Variants in TCERG1L observed in about 807,000 individuals in gnomAD.
TCERG1L encodes the protein transcription elongation regulator 1-like protein.
A neutral mutation model predicts 56.3 loss-of-function variants in TCERG1L; 37 were observed. The ratio of observed to expected loss-of-function variants is 0.66; its 90% CI spans 0.51 to 0.87. The LOEUF (loss-of-function observed/expected upper bound fraction) is 0.87, where lower values mean the gene tolerates loss of function less well. Ranked by LOEUF, TCERG1L falls within the 40% of genes least tolerant of loss-of-function variation. TCERG1L has a pLI of 0.00. For synonymous variants in TCERG1L, 324 were observed against 326.3 expected (o/e 0.99, Z 0.08); for missense variants, 799 against 774.2 (o/e 1.03, Z -0.38).
chr10:131,269,976 T>C (rs1397625664), intron 3 of TCERG1L, among the ~76,000 whole-genome samples: 2 of 151,824 alleles, frequency 1.3e-5, no homozygotes, highest in African/African-American at 4.8e-5. Flanking sequence ...CACGTGCACA[T>C]CACAAAGGCA....
chr10:131,291,147 G>T (rs538442089), intron 3 of TCERG1L, among the ~76,000 whole-genome samples: 1 of 152,134 alleles, frequency 6.6e-6, no homozygotes, highest in East Asian at 1.9e-4. Flanking sequence ...TAATTATTCT[G>T]TCTTCCATTT....
At chr10:131,261,704 ACTGGGAAGGCTGGCCTT>A (rs1294225566) in intron 3 of TCERG1L, among the ~76,000 whole-genome samples, 2 of 152,210 alleles carry the variant, frequency 1.3e-5, no homozygotes, top group African/African-American at 4.8e-5. Context: ...TGAACAAAAC[ACTGGGAAGGCTGGCCTT>A]CGGGGAAGGT....
At position 131,198,395 on chromosome 10, in the gene TCERG1L, G is replaced by A. The variant is rs903355213; in HGVS notation, c.857-31510C>T. On this transcript the variant is annotated intron_variant, in intron 4 of 11. Coordinates refer to ENST00000368642, the MANE Select transcript of TCERG1L (RefSeq NM_174937.4). ...TGCTCCTGAGGGCCAGGACTCACGGGAAGTGTCCCTCAAGACAGAGCGTCT... is the reference window on the plus strand; with the variant it reads ...TGCTCCTGAGGGCCAGGACTCACGGAAAGTGTCCCTCAAGACAGAGCGTCT... Among the ~76,000 whole-genome samples the A allele has an allele frequency of 3.3e-5, 5 of 152,278 alleles. No individual in the cohort carries two copies. The South Asian group carries it at 6.2e-4, about 19-fold the overall frequency.
At chr10:131,225,853 T>C (rs1364625925) in intron 4 of TCERG1L, among the ~76,000 whole-genome samples, 1 of 152,112 alleles carries the variant, frequency 6.6e-6, no homozygotes, top group African/African-American at 2.4e-5. Context: ...GAGACTTCTG[T>C]TCAGTCATCT....
chr10:131,112,384 T>C (rs1333860365), intron 9 of TCERG1L, among the ~76,000 whole-genome samples: 1 of 141,934 alleles, frequency 7.0e-6, no homozygotes, highest in Non-Finnish European at 1.6e-5. Flanking sequence ...TTCCCAGGAC[T>C]TTCTCCCCCT....
rs562034374 is a variant in TCERG1L, at chr10:131,272,364, T to C, written c.671-11920A>G. 3.3e-4 allele frequency among the ~76,000 whole-genome samples: 50 copies of C among 152,330 alleles called. 1 individual carries two copies. Among genetic ancestry groups the C allele is most frequent in the South Asian group, 3.1e-3 (15 of 4,834 alleles). Reference sequence around the variant, plus strand: ...CAGCATTTGCAATTTCTGGTGTTTGTTGTTCTGGTTGTTTTCTGAAAGGCA... The same window carrying C: ...CAGCATTTGCAATTTCTGGTGTTTGCTGTTCTGGTTGTTTTCTGAAAGGCA... On this transcript the variant is annotated intron_variant, in intron 3 of 11. Transcript: ENST00000368642.
chr10:131,166,325 C>T (rs1846030352), intron 5 of TCERG1L, among the ~76,000 whole-genome samples: 1 of 152,208 alleles, frequency 6.6e-6, no homozygotes, highest in Admixed American at 6.5e-5. Flanking sequence ...AAAGGACTCC[C>T]TTGGGTTATT....
chr10:131,225,600 A>C (rs1845783492), intron 4 of TCERG1L, among the ~76,000 whole-genome samples: 1 of 152,074 alleles, frequency 6.6e-6, no homozygotes, highest in Non-Finnish European at 1.5e-5. Flanking sequence ...GGAAAACCCC[A>C]CCTGAAGGGA....
chr10:131,285,465 G>GAAGAAAGAAAGAAAGA (rs1212795487), intron 3 of TCERG1L, among the ~76,000 whole-genome samples: 1 of 103,986 alleles, frequency 9.6e-6, no homozygotes, highest in African/African-American at 4.0e-5. Context: ...GAGAGAAAGG[G>GAAGAAAGAAAGAAAGA]AAGAAAGAAA....
chr10:131,143,702 G>A (rs559657617), intron 7 of TCERG1L, among the ~76,000 whole-genome samples: 162 of 152,274 alleles, frequency 1.1e-3, no homozygotes, highest in Non-Finnish European at 1.9e-3. Context: ...CAACACACCA[G>A]CACCCTCCAA....
intron 6 of TCERG1L, among the ~76,000 whole-genome samples, chr10:131,149,705 G>A (rs1037321827): frequency 3.9e-5 from 6 of 152,178 alleles, no homozygotes; most frequent in African/African-American, 9.7e-5. Context: ...TTGGCAACAC[G>A]TAGGACGTGG....
chr10:131,252,550 T>C (rs1027410759), intron 4 of TCERG1L, among the ~76,000 whole-genome samples: 3 of 152,150 alleles, frequency 2.0e-5, no homozygotes, highest in African/African-American at 7.2e-5. Flanking sequence ...ATTTCATTCA[T>C]GCACCAAACG....
At chr10:131,148,721 G>T (rs1370008062) in intron 6 of TCERG1L, among the ~76,000 whole-genome samples, 2 of 152,228 alleles carry the variant, frequency 1.3e-5, no homozygotes, top group Middle Eastern at 3.2e-3. Context: ...GCCTCTGGAA[G>T]ATGGAAAAGG....
At position 131,198,235 on chromosome 10, in the gene TCERG1L, G is replaced by A. The variant is rs149145426; in HGVS notation, c.857-31350C>T. Among the ~76,000 whole-genome samples, 1,009 of 152,344 alleles carry A rather than the reference G, an allele frequency of 6.6e-3. 52 individuals carry two copies. The highest frequency in any genetic ancestry group is 0.059 in the Admixed American group (902 of 15,306). On this transcript the variant is annotated intron_variant, in intron 4 of 11. Coordinates refer to ENST00000368642, the MANE Select transcript of TCERG1L (RefSeq NM_174937.4). ...ATCACTATGTACGTGGCATCATCAA[G>A]TCTATTCTGATAGAAAAGAACTCAA...
At chr10:131,222,299 A>G (rs1845742228) in intron 4 of TCERG1L, among the ~76,000 whole-genome samples, 1 of 152,248 alleles carries the variant, frequency 6.6e-6, no homozygotes, top group Non-Finnish European at 1.5e-5. Flanking sequence ...TCCATACATG[A>G]TATTTTGTGC....
chr10:131,311,157 C>T lies in TCERG1L; in HGVS notation c.342+137G>A. 1.5e-6 allele frequency: 1 copy of T among 645,946 alleles called. No individual in the cohort carries two copies. Among genetic ancestry groups the T allele is most frequent in the South Asian group, 7.6e-5 (1 of 13,082 alleles). The allele number at this position is 645,946 out of a possible 1,614,324, so 40.0% of individuals were successfully genotyped here. A position where few individuals can be genotyped will look rare whatever the true frequency, so the allele number is the denominator to read the frequency against. On this transcript the variant is annotated intron_variant, in intron 1 of 11. Transcript: ENST00000368642. This position sits in a 1 kb window ranked among gnomAD's most constrained non-coding sequence, Gnocchi z 4.0. ...TCGCCGAGGCACGGCTGCCGGGCTC[C>T]GTCCTGAGGGTTTGGGGCGGCGAGG... is the stretch of plus-strand genomic sequence containing the variant.
At chr10:131,248,179 GAC>G (rs778308912) in intron 4 of TCERG1L, among the ~76,000 whole-genome samples, 7 of 147,430 alleles carry the variant, frequency 4.7e-5, no homozygotes, top group African/African-American at 1.3e-4. Flanking sequence ...ACACCCACAT[GAC>G]ACACACAAAC....
At chr10:131,293,961 C>T (rs774307071) in intron 3 of TCERG1L, among the ~76,000 whole-genome samples, 15 of 152,154 alleles carry the variant, frequency 9.9e-5, no homozygotes, top group South Asian at 4.1e-4. Flanking sequence ...GGTTCAGACG[C>T]GTGGTGGCTG....
At position 131,118,608 on chromosome 10, in the gene TCERG1L, T is replaced by C. The variant is rs1346980582; in HGVS notation, c.1260-1674A>G. 2.6e-5 allele frequency among the ~76,000 whole-genome samples: 4 copies of C among 152,116 alleles called. No individual in the cohort carries two copies. Among genetic ancestry groups the C allele is most frequent in the Non-Finnish European group, 5.9e-5 (4 of 68,034 alleles). ...TGCCCCAGATCTGACTCAGCAAGAATCTGCTGAGGTTGGTTCAGCCAAAAC... is the reference window on the plus strand; with the variant it reads ...TGCCCCAGATCTGACTCAGCAAGAACCTGCTGAGGTTGGTTCAGCCAAAAC... On this transcript the variant is annotated intron_variant, in intron 8 of 11. Coordinates refer to ENST00000368642, the MANE Select transcript of TCERG1L (RefSeq NM_174937.4). This position sits in a 1 kb window ranked among gnomAD's most constrained non-coding sequence, Gnocchi z 4.2.
Sources: allele counts gnomAD v4.1 joint callset (sites outside exome capture counted in the v4.1 genomes callset), GRCh38; gene constraint gnomAD v4.1.1; non-coding constraint Gnocchi (gnomAD v3.1); transcripts MANE v1.5; gene names NCBI Gene and HGNC (gene_info 2026-07-23, HGNC 2026-07-21).